LMAN2L: variants seen among roughly 807,000 people sequenced by gnomAD.
LMAN2L encodes VIP36-like protein.
A neutral mutation model predicts 44.3 loss-of-function variants in LMAN2L; 30 were observed. The ratio of observed to expected loss-of-function variants is 0.68; its 90% CI spans 0.51 to 0.92. LMAN2L has a LOEUF of 0.92. Ranked by LOEUF, LMAN2L falls within the 40% of genes least tolerant of loss-of-function variation. The pLI is 0.00. For missense variants in LMAN2L, 429 were observed against 446.1 expected (o/e 0.96, Z 0.35); for synonymous variants, 183 against 171.1 (o/e 1.07, Z -0.54).
At chr2:96,709,792 C>G (rs1243471021) in intron 6 of LMAN2L, among the ~76,000 whole-genome samples, 1 of 152,180 alleles carries the variant, frequency 6.6e-6, no homozygotes, top group Non-Finnish European at 1.5e-5. Context: ...AAGAAAGAAA[C>G]AACTTGCATT....
At chr2:96,717,293 A>G (rs1356626962) in intron 4 of LMAN2L, among the ~76,000 whole-genome samples, 1 of 152,090 alleles carries the variant, frequency 6.6e-6, no homozygotes, top group Non-Finnish European at 1.5e-5. Flanking sequence ...TAATCCCAGC[A>G]CTTTGGGAAA....
intron 4 of LMAN2L, among the ~76,000 whole-genome samples, chr2:96,731,811 G>A (rs971381850): frequency 1.3e-5 from 2 of 151,524 alleles, no homozygotes; most frequent in South Asian, 2.1e-4. Flanking sequence ...GTGCAGTGGT[G>A]TGATCTCAGC....
At chr2:96,707,634 A>T in intron 7 of LMAN2L, 80 bp downstream of exon 7, 1 of 1,519,490 alleles carries the variant, frequency 6.6e-7, no homozygotes, top group Non-Finnish European at 9.0e-7. Context: ...CAGAGCAGAG[A>T]CCGCCCTGTG....
At chr2:96,730,671 CCT>C (rs113684894) in intron 4 of LMAN2L, among the ~76,000 whole-genome samples, 20 of 151,792 alleles carry the variant, frequency 1.3e-4, no homozygotes, top group East Asian at 1.9e-4. Context: ...CTCATTATCC[CCT>C]CTCTCTCTCT....
Position 96,734,711 on chromosome 2 carries a change from G to A in LMAN2L, c.307-185C>T, listed in dbSNP as rs1574029947. On this transcript the variant is annotated intron_variant, in intron 2 of 7. Coordinates refer to ENST00000264963, the MANE Select transcript of LMAN2L (RefSeq NM_030805.4). ...ATTAAACGGATTGAACCATTCAACT[G>A]TTTAGAGATTTAATATGAAAATGAA... 7 of 576,922 alleles carry A rather than the reference G, an allele frequency of 1.2e-5. No individual in the cohort carries two copies. In the East Asian group the frequency reaches 2.0e-4, roughly 16 times the overall value. 35.7% of individuals were successfully genotyped at this position (576,922 alleles called of 1,614,324 possible).
At position 96,733,613 on chromosome 2, in the gene LMAN2L, G is replaced by A. The variant is rs372885959; in HGVS notation, c.425-12C>T. The A allele has an allele frequency of 1.3e-6, 2 of 1,570,156 alleles. No individual in the cohort carries two copies. Among genetic ancestry groups the A allele is most frequent in the Non-Finnish European group, 1.8e-6 (2 of 1,141,242 alleles). ...TCCAAACACAGGCCCTAGAGAGAGA[G>A]AACAGATGATGAACAATGAAATAAA... is the stretch of plus-strand genomic sequence containing the variant. On this transcript the variant is annotated splice_polypyrimidine_tract_variant and intron_variant, in intron 3 of 7. Coordinates refer to ENST00000264963, the MANE Select transcript of LMAN2L (RefSeq NM_030805.4).
At chr2:96,711,322 G>A (rs150438172) in intron 6 of LMAN2L, among the ~76,000 whole-genome samples, 2 of 152,288 alleles carry the variant, frequency 1.3e-5, no homozygotes, top group African/African-American at 2.4e-5. Flanking sequence ...TAAGGAAGGG[G>A]AACGGGGAAC....
chr2:96,729,970 T>TAA (rs2078358595), intron 4 of LMAN2L, among the ~76,000 whole-genome samples: 1 of 152,152 alleles, frequency 6.6e-6, no homozygotes, highest in African/African-American at 2.4e-5. Flanking sequence ...TGGATGTCAA[T>TAA]ATTTTTAAAA....
intron 1 of LMAN2L, among the ~76,000 whole-genome samples, chr2:96,739,406 G>A (rs2078587371): frequency 6.6e-6 from 1 of 152,160 alleles, no homozygotes; most frequent in South Asian, 2.1e-4. Flanking sequence ...CCCTAGGCTG[G>A]AGAAGAGAAG....
rs781664435 is a variant in LMAN2L, at chr2:96,738,212, T to C, written c.188-145A>G. 1.2e-4 allele frequency: 73 copies of C among 625,236 alleles called. 2 individuals carry two copies. Among genetic ancestry groups the C allele is most frequent in the Non-Finnish European group, 1.8e-4 (65 of 353,330 alleles). The allele number at this position is 625,236 out of a possible 1,614,324, so 38.7% of individuals were successfully genotyped here. A position where few individuals can be genotyped will look rare whatever the true frequency, so the allele number is the denominator to read the frequency against. On this transcript the variant is annotated intron_variant, in intron 1 of 7. Transcript: ENST00000264963. ...TCCTATCTTCTCTCAGTCATGAATCTTACCATCTCTACAGCTTTCACAAGG... is the reference window on the plus strand; with the variant it reads ...TCCTATCTTCTCTCAGTCATGAATCCTACCATCTCTACAGCTTTCACAAGG...
At chr2:96,713,056 G>GA (rs1172630176) in intron 4 of LMAN2L, 38 of 1,495,920 alleles carry the variant, frequency 2.5e-5, no homozygotes, top group Non-Finnish European at 3.5e-5. Context: ...ACAAATGTTG[G>GA]ATGGACACAT....
chr2:96,707,676 C>T, intron 7 of LMAN2L, 38 bp downstream of exon 7: 1 of 1,612,234 alleles, frequency 6.2e-7, no homozygotes, highest in Non-Finnish European at 8.5e-7. Flanking sequence ...AGCTCCTCCC[C>T]AACTATGGGA....
intron 4 of LMAN2L, among the ~76,000 whole-genome samples, chr2:96,726,540 T>C (rs1296175775): frequency 2.6e-5 from 4 of 152,122 alleles, no homozygotes; most frequent in South Asian, 2.1e-4. Context: ...CCCAGCACTT[T>C]GGGCGGCCGA....
chr2:96,718,525 T>C (rs2078087642), intron 4 of LMAN2L, among the ~76,000 whole-genome samples: 3 of 152,208 alleles, frequency 2.0e-5, no homozygotes, highest in Non-Finnish European at 4.4e-5. Context: ...AAATGCCTTC[T>C]ACTAGATGCT....
chr2:96,712,146 C>T (rs3731940), intron 4 of LMAN2L, 121 bp from the exon 5 acceptor site: 58,781 of 949,986 alleles, frequency 0.062, 2,036 homozygotes, highest in Middle Eastern at 0.13. Flanking sequence ...GGCAGCCACT[C>T]GACCTCATTG....
At chr2:96,714,551 A>C (rs1415675691) in intron 4 of LMAN2L, among the ~76,000 whole-genome samples, 1 of 152,242 alleles carries the variant, frequency 6.6e-6, no homozygotes, top group African/African-American at 2.4e-5. Context: ...CAAGCAGTTT[A>C]CAGAAACTGG....
Position 96,730,863 on chromosome 2 carries a change from C to T in LMAN2L, c.507+2656G>A, listed in dbSNP as rs138043998. On this transcript the variant is annotated intron_variant, in intron 4 of 7. Coordinates refer to ENST00000264963, the MANE Select transcript of LMAN2L (RefSeq NM_030805.4). ...CTAATTTTTGTATTTTTAGTAGAGA[C>T]GGGGTTTCGCCATGTTGGCCAGGAT... Among the ~76,000 whole-genome samples the T allele has an allele frequency of 2.0e-3, 298 of 152,216 alleles. 1 individual carries two copies. Among genetic ancestry groups the T allele is most frequent in the African/African-American group, 6.6e-3 (274 of 41,546 alleles).
chr2:96,729,430 C>T (rs72941255), intron 4 of LMAN2L, among the ~76,000 whole-genome samples: 2,792 of 151,640 alleles, frequency 0.018, 75 homozygotes, highest in African/African-American at 0.062. Context: ...GGAGGTTTGA[C>T]GAGGATTAAG....
At chr2:96,734,190 A>G (rs982345002) in intron 3 of LMAN2L, among the ~76,000 whole-genome samples, 2 of 152,216 alleles carry the variant, frequency 1.3e-5, no homozygotes, top group African/African-American at 4.8e-5. Flanking sequence ...GGAAACTCAG[A>G]AAGAAGTAAC....
Sources: allele counts gnomAD v4.1 joint callset (sites outside exome capture counted in the v4.1 genomes callset), GRCh38; gene constraint gnomAD v4.1.1; transcripts MANE v1.5; gene names NCBI Gene and HGNC (gene_info 2026-07-23, HGNC 2026-07-21).